The following CSMD2 variants were observed in gnomAD, a reference collection of about 807,000 sequenced individuals.
CSMD2 encodes CUB and sushi domain-containing protein 2.
A neutral mutation model predicts 398.5 loss-of-function variants in CSMD2; 130 were observed. That is an observed-to-expected ratio of 0.33 (90% confidence interval 0.28 to 0.38). The LOEUF (loss-of-function observed/expected upper bound fraction) is 0.38. Ranked by LOEUF, CSMD2 falls within the 10% of genes least tolerant of loss-of-function variation. CSMD2 has a pLI of 1.00. For synonymous variants in CSMD2, 1,828 were observed against 1,908.5 expected (o/e 0.96, Z 1.10); for missense variants, 3,829 against 4,764.9 (o/e 0.80, Z 5.78).
chr1:33,578,732 G>A (rs1158468993), intron 48 of CSMD2, among the ~76,000 whole-genome samples: 4 of 152,272 alleles, frequency 2.6e-5, no homozygotes, highest in African/African-American at 9.6e-5. Flanking sequence ...GTTTGCCCTA[G>A]GAGTCCCTGG....
intron 3 of CSMD2, among the ~76,000 whole-genome samples, chr1:33,947,119 G>C (rs1644862951): frequency 6.6e-6 from 1 of 152,206 alleles, no homozygotes; most frequent in Non-Finnish European, 1.5e-5. Context: ...CAAAGAGGAG[G>C]AGGCTCTGAA....
At chr1:33,572,448 C>T in intron 50 of CSMD2, 58 bp downstream of exon 50, 1 of 1,397,046 alleles carries the variant, frequency 7.2e-7, no homozygotes, top group Non-Finnish European at 9.5e-7. Context: ...TTGCAGGAAT[C>T]TTTCCAGCTG....
chr1:34,043,798 C>T (rs1478415541), intron 2 of CSMD2, among the ~76,000 whole-genome samples: 1 of 152,206 alleles, frequency 6.6e-6, no homozygotes, highest in Non-Finnish European at 1.5e-5. Context: ...TGAACACCTG[C>T]TTTCCACCTG....
At chr1:33,553,428 T>C (rs1451560723) in intron 55 of CSMD2, among the ~76,000 whole-genome samples, 1 of 152,238 alleles carries the variant, frequency 6.6e-6, no homozygotes, top group African/African-American at 2.4e-5. Flanking sequence ...TTGTGTGTGT[T>C]CTGACTGCTA....
intron 3 of CSMD2, among the ~76,000 whole-genome samples, chr1:34,010,670 G>A (rs535602581): frequency 6.6e-6 from 1 of 151,882 alleles, no homozygotes; most frequent in South Asian, 2.1e-4. Context: ...CCAGGTTGGA[G>A]TGCAGTGGCA....
intron 59 of CSMD2, 52 bp from the exon 60 acceptor site, chr1:33,540,750 C>A (rs375531889): frequency 8.3e-5 from 133 of 1,595,906 alleles, no homozygotes; most frequent in Non-Finnish European, 1.0e-4. Context: ...GGGAAACCAG[C>A]CCCCGTCACC....
At chr1:34,144,082 A>C (rs1393173793) in intron 1 of CSMD2, among the ~76,000 whole-genome samples, 4 of 152,172 alleles carry the variant, frequency 2.6e-5, no homozygotes, top group Non-Finnish European at 1.5e-5. Context: ...GTCTTAGTCA[A>C]CATCTCCTCT....
chr1:34,050,790 G>A (rs146453934), intron 2 of CSMD2, among the ~76,000 whole-genome samples: 1 of 152,298 alleles, frequency 6.6e-6, no homozygotes, highest in African/African-American at 2.4e-5. Context: ...TAGCCCAGAG[G>A]TCTTAGTTCC....
At chr1:33,897,105 G>C (rs1487058685) in intron 5 of CSMD2, among the ~76,000 whole-genome samples, 2 of 152,138 alleles carry the variant, frequency 1.3e-5, no homozygotes, top group Non-Finnish European at 2.9e-5. Context: ...AGCTAAAGTG[G>C]CTCCTCTATG....
Position 33,680,463 on chromosome 1 carries a change from C to T in CSMD2, c.4052+12467G>A, listed in dbSNP as rs542020156. Among the ~76,000 whole-genome samples the T allele has an allele frequency of 5.3e-5, 8 of 152,260 alleles. No individual in the cohort carries two copies. The South Asian group carries it at 1.7e-3, about 32-fold the overall frequency. On this transcript the variant is annotated intron_variant, in intron 25 of 70. Coordinates refer to ENST00000373381, the MANE Select transcript of CSMD2 (RefSeq NM_001281956.2). ...TGTGCACCGTCGTCTTGGGGCCTCT[C>T]TCTGGGATCCTGTGTTTGCTCCCTT... is the stretch of plus-strand genomic sequence containing the variant.
At chr1:33,576,519 A>T (rs1638254650) in intron 49 of CSMD2, among the ~76,000 whole-genome samples, 1 of 152,170 alleles carries the variant, frequency 6.6e-6, no homozygotes, top group South Asian at 2.1e-4. Flanking sequence ...TGAACCCAGG[A>T]GGCAGAGGTT....
In CSMD2 at chr1:33,692,868, G is replaced by C. The variant is rs575016503; in HGVS notation, c.4052+62C>G. 9 of 1,593,268 alleles carry C rather than the reference G, an allele frequency of 5.6e-6. No individual in the cohort carries two copies. In the African/African-American group the frequency reaches 1.2e-4, roughly 22 times the overall value. ...GGCACTAGCTGGATGGCCTGGTGAT[G>C]ATGCTGATGATGGCTCCCCTGAACA... On this transcript the variant is annotated intron_variant, in intron 25 of 70. Transcript: ENST00000373381.
At chr1:34,004,566 A>C (rs760892818) in intron 3 of CSMD2, among the ~76,000 whole-genome samples, 1 of 152,124 alleles carries the variant, frequency 6.6e-6, no homozygotes, top group Non-Finnish European at 1.5e-5. Flanking sequence ...TCGTCAATTT[A>C]ATTAGGGCTT....
At chr1:34,121,948 A>C (rs1374599458) in intron 1 of CSMD2, among the ~76,000 whole-genome samples, 1 of 151,420 alleles carries the variant, frequency 6.6e-6, no homozygotes, top group Non-Finnish European at 1.5e-5. Flanking sequence ...TTGGATATAC[A>C]ATAGGGTTAG....
chr1:33,916,369 A>G (rs897022899), intron 5 of CSMD2, among the ~76,000 whole-genome samples: 4 of 152,206 alleles, frequency 2.6e-5, no homozygotes, highest in Non-Finnish European at 5.9e-5. Context: ...CATTACACTT[A>G]CAGTCAGTAA....
At chr1:33,543,931 A>G (rs1656604877) in intron 57 of CSMD2, among the ~76,000 whole-genome samples, 1 of 152,170 alleles carries the variant, frequency 6.6e-6, no homozygotes, top group East Asian at 1.9e-4. Context: ...TCATGGATCT[A>G]AAGATATTTT....
At chr1:33,962,821 C>T (rs565447307) in intron 3 of CSMD2, among the ~76,000 whole-genome samples, 2 of 152,212 alleles carry the variant, frequency 1.3e-5, no homozygotes, top group African/African-American at 4.8e-5. Context: ...ACCCATCTCT[C>T]CCCACCTCTA....
intron 5 of CSMD2, chr1:33,864,725 C>T (rs757809863): frequency 6.2e-7 from 1 of 1,611,694 alleles, no homozygotes; most frequent in Non-Finnish European, 8.5e-7. Context: ...GAAACCGGTG[C>T]AGAGGGAAAA....
chr1:34,004,081 T>TC (rs1646983693), intron 3 of CSMD2, among the ~76,000 whole-genome samples: 1 of 152,180 alleles, frequency 6.6e-6, no homozygotes, highest in South Asian at 2.1e-4. Flanking sequence ...GCACACAACC[T>TC]GAGTACAGCC....
Sources: allele counts gnomAD v4.1 joint callset (sites outside exome capture counted in the v4.1 genomes callset), GRCh38; gene constraint gnomAD v4.1.1; transcripts MANE v1.5; gene names NCBI Gene and HGNC (gene_info 2026-07-23, HGNC 2026-07-21).